SPAG4: variants seen among roughly 807,000 people sequenced by gnomAD.
SPAG4 encodes sperm associated antigen 4.
SPAG4 carries 54 observed loss-of-function variants against 53.9 expected under a neutral mutation model. That is an observed-to-expected ratio of 1.00 (90% CI 0.80 to 1.26). The LOEUF is 1.26. Among genes scored for constraint, SPAG4 ranks in the 50% most tolerant of loss-of-function variants. The pLI is 0.00. For missense variants in SPAG4, 548 were observed against 568.6 expected, an observed-to-expected ratio of 0.96 and a Z score of 0.37; for synonymous variants, 246 against 237.4, an observed-to-expected ratio of 1.04 and a Z score of -0.33.
chr20:35,618,758 C>G (rs775501360), intron 7 of SPAG4, 38 bp downstream of exon 7: 20 of 1,493,506 alleles, frequency 1.3e-5, no homozygotes, highest in Non-Finnish European at 1.7e-5. Flanking sequence ...CTGATGGATC[C>G]CTGCTCCCAG....
rs149988498 is a variant in SPAG4, at chr20:35,617,307, C to T, written c.409+67C>T. ...TCCCCTCTCCGAACTCCAGTTCTCT[C>T]TGAGCCCCCGGCCCCCGTTTGAGTA... On this transcript the variant is annotated intron_variant, in intron 2 of 11. Coordinates refer to ENST00000374273, the MANE Select transcript of SPAG4 (RefSeq NM_003116.3). The T allele has an allele frequency of 3.0e-4, 359 of 1,180,660 alleles. 1 individual carries two copies. In the African/African-American group the frequency reaches 4.7e-3, roughly 15 times the overall value. 73.1% of individuals were successfully genotyped at this position (1,180,660 alleles called of 1,614,324 possible).
In SPAG4 at chr20:35,617,990, G is replaced by C. The variant is rs1237570097; in HGVS notation, c.539-97G>C. The C allele has an allele frequency of 7.0e-6, 10 of 1,428,650 alleles. No homozygotes were observed. The South Asian group carries it at 8.5e-5, about 12-fold the overall frequency. The allele number at this position is 1,428,650 out of a possible 1,614,324, so 88.5% of individuals were successfully genotyped here. A position where few individuals can be genotyped will look rare whatever the true frequency, so the allele number is the denominator to read the frequency against. ...CCTCAGACTCCCACGGTCCTCCCCA[G>C]GCTTAACCCCCTCAAGCCTCTTTCC... On this transcript the variant is annotated intron_variant, in intron 4 of 11. Transcript: ENST00000374273.
Position 35,621,027 on chromosome 20 carries a change from G to A in SPAG4, c.*5G>A, listed in dbSNP as rs1299241574. 1 of 1,612,860 alleles carries A rather than the reference G, an allele frequency of 6.2e-7. No individual in the cohort carries two copies. Among genetic ancestry groups the A allele is most frequent in the East Asian group, 2.2e-5 (1 of 44,824 alleles). On this transcript the variant is annotated 3_prime_UTR_variant, in exon 12 of 12. Transcript: ENST00000374273. The stretch of plus-strand genomic sequence containing the variant: ...AGTGCACAGGGGCCCCATTAAACAT[G>A]CTGATTTTTGGAGTAGAATTGAGTT...
At position 35,617,653 on chromosome 20, in the gene SPAG4, C is replaced by A; in HGVS notation, c.476+67C>A. On this transcript the variant is annotated intron_variant, in intron 3 of 11. Transcript: ENST00000374273. ...GAGGGGGTGGGGAGCAGGGCCGGAACCTTGCTGGCGCTTGAGCCGATTCAG... is the reference window on the plus strand; with the variant it reads ...GAGGGGGTGGGGAGCAGGGCCGGAAACTTGCTGGCGCTTGAGCCGATTCAG... The A allele has an allele frequency of 1.9e-6, 3 of 1,588,968 alleles. No homozygotes were observed. In the South Asian group the frequency reaches 3.3e-5, roughly 18 times the overall value.
At chr20:35,619,132 C>G in intron 8 of SPAG4, 63 bp from the exon 9 acceptor site, 1 of 1,319,160 alleles carries the variant, frequency 7.6e-7, no homozygotes, top group Non-Finnish European at 1.1e-6. Flanking sequence ...AGCCCCCGCG[C>G]CCCCGCGCCC....
Position 35,619,326 on chromosome 20 carries a change from T to G in SPAG4, c.909+16T>G, listed in dbSNP as rs771214290. 1 of 1,602,998 alleles carries G rather than the reference T, an allele frequency of 6.2e-7. No individual in the cohort carries two copies. The highest frequency in any genetic ancestry group is 1.1e-5 in the South Asian group (1 of 90,842). On this transcript the variant is annotated intron_variant, in intron 9 of 11. Transcript: ENST00000374273. ...TATCCTGGAGGTGAGTCTGGAAACA[T>G]CCCGGGATGGGACCCCGGGCGGGAC...
chr20:35,616,978 G>A (rs2031407098), intron 1 of SPAG4, 158 bp from the exon 2 acceptor site: 2 of 607,278 alleles, frequency 3.3e-6, no homozygotes, highest in Non-Finnish European at 5.9e-6. Context: ...GGCTTCAGAG[G>A]GCGGAGCTGG....
At chr20:35,620,644 G>A (rs776645480) in intron 10 of SPAG4, 40 bp from the exon 11 acceptor site, 16 of 262,298 alleles carry the variant, frequency 6.1e-5, no homozygotes, top group South Asian at 1.6e-4. Flanking sequence ...CGCCCCACCT[G>A]TCCCCCTCAT....
chr20:35,616,129 C>CGGGCCTGGGGAGCCCGAGGGCAGAA lies in SPAG4; in HGVS notation c.128_152dup (p.Arg53TrpfsTer15). On this transcript the variant is annotated frameshift_variant, in exon 1 of 12. Transcript: ENST00000374273. LOFTEE classifies it high-confidence loss of function. ...GCAAAGGGCTCCGGTCAGCGGAGCC[C>CGGGCCTGGGGAGCCCGAGGGCAGAA]GGGCCTGGGGAGCCCGAGGGCAGAA... 6.3e-7 allele frequency: 1 copy of CGGGCCTGGGGAGCCCGAGGGCAGAA among 1,590,784 alleles called. No homozygotes were observed. Among genetic ancestry groups the CGGGCCTGGGGAGCCCGAGGGCAGAA allele is most frequent in the South Asian group, 1.1e-5 (1 of 88,028 alleles).
chr20:35,618,858 C>T, intron 7 of SPAG4, 65 bp from the exon 8 acceptor site: 1 of 1,513,626 alleles, frequency 6.6e-7, no homozygotes, highest in Admixed American at 1.7e-5. Flanking sequence ...TCCCAGAGGT[C>T]CCGTCCACCT....
Position 35,619,632 on chromosome 20 carries a change from G to A in SPAG4, c.963G>A (p.Val321=). The change falls in exon 10 of 12, where the codon GTG becomes GTA. Residue 321 remains valine (V), a synonymous_variant. Coordinates refer to ENST00000374273, the MANE Select transcript of SPAG4 (RefSeq NM_003116.3). ...CTTTTGAAGGCGACCAAGGCCAGGTGGTGATCCAACTGCCGGGCCGAGTGC... is the reference window on the plus strand; with the variant it reads ...CTTTTGAAGGCGACCAAGGCCAGGTAGTGATCCAACTGCCGGGCCGAGTGC... ...CWAFEGDQGQ[V]VIQLPGRVQL... 1 of 1,614,054 alleles carries A rather than the reference G, an allele frequency of 6.2e-7. No individual in the cohort carries two copies. The highest frequency in any genetic ancestry group is 8.5e-7 in the Non-Finnish European group (1 of 1,180,018).
Position 35,616,284 on chromosome 20 carries a change from C to G in SPAG4, c.281C>G (p.Ala94Gly), listed in dbSNP as rs1012380658. 2.0e-6 allele frequency: 3 copies of G among 1,466,778 alleles called. No individual in the cohort carries two copies. The highest frequency in any genetic ancestry group is 2.6e-5 in the Admixed American group (1 of 38,912). The allele number at this position is 1,466,778 out of a possible 1,614,324, so 90.9% of individuals were successfully genotyped here. A position where few individuals can be genotyped will look rare whatever the true frequency, so the allele number is the denominator to read the frequency against. Residue 94 changes from alanine to glycine, a missense_variant, in exon 1 of 12, where the codon GCA (alanine) becomes GGA (glycine). Transcript: ENST00000374273. ...SHNWQTACGA[A>G]TVRGGASEPT... ...AACTGGCAGACAGCCTGTGGCGCGG[C>G]AACCGTGAGGGGCGGGGCCTCGGGT...
chr20:35,616,414 TG>T (rs1299454816), intron 1 of SPAG4, 107 bp downstream of exon 1: 259 of 1,404,708 alleles, frequency 1.8e-4, no homozygotes, highest in Non-Finnish European at 2.3e-4. Context: ...TCCTACAAGG[TG>T]GGTCCTGTAG....
Position 35,617,572 on chromosome 20 carries a change from G to A in SPAG4, c.462G>A (p.Leu154=). The change falls in exon 3 of 12, where the codon CTG becomes CTA. Residue 154 remains leucine (L), a synonymous_variant. Coordinates refer to ENST00000374273, the MANE Select transcript of SPAG4 (RefSeq NM_003116.3). ...TGTTATCCCTGGCAGGAGACGTGCT[G>A]GTCAGCATGTACAGGTCAGAGGAAG... ...SVLLSLAGDV[L]VSMYREVCSI... The A allele has an allele frequency of 1.2e-6, 2 of 1,606,888 alleles. No homozygotes were observed. The highest frequency in any genetic ancestry group is 1.7e-6 in the Non-Finnish European group (2 of 1,176,466).
intron 8 of SPAG4, 94 bp from the exon 9 acceptor site, chr20:35,619,101 G>A: frequency 2.2e-6 from 3 of 1,374,664 alleles, no homozygotes; most frequent in Non-Finnish European, 3.0e-6. Flanking sequence ...ACAGAGCCTC[G>A]GACAGCCCCC....
At chr20:35,620,403 G>A (rs2031534722) in intron 10 of SPAG4, among the ~76,000 whole-genome samples, 1 of 152,090 alleles carries the variant, frequency 6.6e-6, no homozygotes, top group South Asian at 2.1e-4. Flanking sequence ...TTAAAACCTG[G>A]TTTCTTCCCG....
At chr20:35,618,001 C>G in intron 4 of SPAG4, 86 bp from the exon 5 acceptor site, 2 of 1,467,018 alleles carry the variant, frequency 1.4e-6, no homozygotes, top group Non-Finnish European at 1.9e-6. Context: ...GCTTAACCCC[C>G]TCAAGCCTCT....
In SPAG4 at chr20:35,618,593, G is replaced by T; in HGVS notation, c.609-19G>T. On this transcript the variant is annotated intron_variant, in intron 6 of 11. Transcript: ENST00000374273. ...GGGGACAGGGAGCCAACCCCACGGC[G>T]CCCACCTCCCACCTCCAGTGAGTAC... The T allele has an allele frequency of 6.3e-7, 1 of 1,595,536 alleles. No individual in the cohort carries two copies. Among genetic ancestry groups the T allele is most frequent in the Non-Finnish European group, 8.5e-7 (1 of 1,170,342 alleles).
rs1372119717 is a variant in SPAG4, at chr20:35,620,950, C to T, written c.1242C>T (p.Cys414=). Residue 414 remains cysteine (C), a synonymous_variant, in exon 12 of 12, where the codon TGC becomes TGT. Coordinates refer to ENST00000374273, the MANE Select transcript of SPAG4 (RefSeq NM_003116.3). ...ACTGGGGCCACCCCCGTTTCACGTG[C>T]TTGTATCGAGTCCGTGCCCACGGTG... ...LSNWGHPRFT[C]LYRVRAHGVR... 6.2e-7 allele frequency: 1 copy of T among 1,614,234 alleles called. No individual in the cohort carries two copies. The highest frequency in any genetic ancestry group is 8.5e-7 in the Non-Finnish European group (1 of 1,180,038).
Sources: gnomAD v4.1 joint callset for allele counts (sites outside exome capture counted in the v4.1 genomes callset) on GRCh38, gnomAD v4.1.1 for gene constraint, MANE v1.5 for transcripts, NCBI Gene and HGNC (gene_info 2026-07-23, HGNC 2026-07-21) for gene names.